The following BRINP1 variants were observed in gnomAD, a reference collection of about 807,000 sequenced individuals.
The protein encoded by BRINP1 is BMP/retinoic acid inducible neural specific 1.
In BRINP1, 17 loss-of-function variants were observed where a neutral mutation model predicts 72.9. The observed-to-expected ratio is 0.23, with a 90% CI of 0.16 to 0.35. The LOEUF (loss-of-function observed/expected upper bound fraction) is 0.35, where lower values mean the gene tolerates loss of function less well. Among genes scored for constraint, BRINP1 ranks in the 10% least tolerant of loss-of-function variants. BRINP1 has a pLI of 1.00. For synonymous variants in BRINP1, 418 were observed against 378.5 expected, an observed-to-expected ratio of 1.10 and a Z score of -1.21; for missense variants, 850 against 1,001.6, an observed-to-expected ratio of 0.85 and a Z score of 2.04.
intron 2 of BRINP1, among the ~76,000 whole-genome samples, chr9:119,267,846 G>T (rs1256058284): frequency 6.6e-6 from 1 of 152,086 alleles, no homozygotes. Context: ...GAGACTCTGG[G>T]TGCACCAATA....
chr9:119,228,275 C>G (rs1237075520), intron 5 of BRINP1, among the ~76,000 whole-genome samples: 1 of 151,774 alleles, frequency 6.6e-6, no homozygotes, highest in Admixed American at 6.6e-5. Flanking sequence ...CTCAATTCAG[C>G]AATTCAGCAA....
At chr9:119,282,824 T>C (rs1446257092) in intron 2 of BRINP1, 1 of 985,196 alleles carries the variant, frequency 1.0e-6, no homozygotes, top group Non-Finnish European at 1.2e-6. Flanking sequence ...GGGAGAGTAA[T>C]AGCTGGTCAC....
At chr9:119,288,466 A>T (rs1414136862) in intron 2 of BRINP1, among the ~76,000 whole-genome samples, 1 of 152,208 alleles carries the variant, frequency 6.6e-6, no homozygotes. Flanking sequence ...TCAGTAGCCA[A>T]CAGACTCCTT....
intron 7 of BRINP1, among the ~76,000 whole-genome samples, chr9:119,203,386 A>G (rs976188129): frequency 3.9e-5 from 6 of 152,228 alleles, no homozygotes; most frequent in Non-Finnish European, 8.8e-5. Flanking sequence ...GATAAAAAAT[A>G]TATGTCACCA....
chr9:119,314,011 T>C (rs563028880), intron 1 of BRINP1, among the ~76,000 whole-genome samples: 3 of 152,342 alleles, frequency 2.0e-5, no homozygotes, highest in Non-Finnish European at 2.9e-5. Context: ...TGGATTATCA[T>C]GACTATCTAG....
chr9:119,271,687 A>G (rs1004198921), intron 2 of BRINP1, among the ~76,000 whole-genome samples: 6 of 151,964 alleles, frequency 3.9e-5, no homozygotes, highest in African/African-American at 1.2e-4. Context: ...CTAGGAAAAA[A>G]GAGAGAAGGA....
chr9:119,285,657 C>T (rs970654987), intron 2 of BRINP1, among the ~76,000 whole-genome samples: 51 of 152,178 alleles, frequency 3.4e-4, no homozygotes, highest in African/African-American at 1.2e-3. Context: ...CAAGTTCAGG[C>T]TGCAAGATAC....
At chr9:119,293,813 G>A (rs1252164816) in intron 2 of BRINP1, among the ~76,000 whole-genome samples, 1 of 152,130 alleles carries the variant, frequency 6.6e-6, no homozygotes, top group Non-Finnish European at 1.5e-5. Flanking sequence ...ATTGTAAATG[G>A]AAACTAAAAG....
chr9:119,239,896 C>G (rs1053619886), intron 4 of BRINP1, among the ~76,000 whole-genome samples: 3 of 151,430 alleles, frequency 2.0e-5, no homozygotes, highest in African/African-American at 7.3e-5. Flanking sequence ...TAAAACTTAC[C>G]AATTTACTTT....
At chr9:119,227,171 T>C (rs1210151517) in intron 5 of BRINP1, among the ~76,000 whole-genome samples, 1 of 152,086 alleles carries the variant, frequency 6.6e-6, no homozygotes, top group Non-Finnish European at 1.5e-5. Flanking sequence ...TCCAAATAAA[T>C]GAAGAACAAT....
At chr9:119,351,092 A>G (rs777492818) in intron 1 of BRINP1, among the ~76,000 whole-genome samples, 31 of 152,042 alleles carry the variant, frequency 2.0e-4, no homozygotes, top group Non-Finnish European at 3.5e-4. Flanking sequence ...CGACAGGCCC[A>G]GGTATGTGAT....
At chr9:119,338,435 G>A (rs1189896989) in intron 1 of BRINP1, among the ~76,000 whole-genome samples, 4 of 152,048 alleles carry the variant, frequency 2.6e-5, no homozygotes, top group Non-Finnish European at 4.4e-5. Flanking sequence ...GATGCAGGGA[G>A]AAGAACAACA....
intron 5 of BRINP1, among the ~76,000 whole-genome samples, chr9:119,226,664 T>C (rs1421541638): frequency 1.9e-5 from 1 of 53,264 alleles, no homozygotes; most frequent in Non-Finnish European, 4.3e-5. Context: ...TCATCTATTC[T>C]AGGGTTTTTT....
In BRINP1 at chr9:119,363,879, T is replaced by C. The variant is rs1014477310; in HGVS notation, c.-51+5177A>G. Among the ~76,000 whole-genome samples the C allele has an allele frequency of 3.3e-5, 5 of 152,318 alleles. No individual in the cohort carries two copies. The East Asian group carries it at 7.7e-4, about 23-fold the overall frequency. ...TCATACATGGTTAGTGGCTACCATATTGGACAGCACAAAAAACATGTCCAT... is the reference window on the plus strand; with the variant it reads ...TCATACATGGTTAGTGGCTACCATACTGGACAGCACAAAAAACATGTCCAT... On this transcript the variant is annotated intron_variant, in intron 1 of 7. Transcript: ENST00000265922.
intron 1 of BRINP1, 77 bp from the exon 2 acceptor site, chr9:119,313,482 A>T: frequency 7.5e-7 from 1 of 1,331,688 alleles, no homozygotes; most frequent in Non-Finnish European, 1.0e-6. Context: ...AGAGGAGTAA[A>T]AGAAAAAGAC....
chr9:119,316,833 C>T (rs1405734786), intron 1 of BRINP1, among the ~76,000 whole-genome samples: 1 of 152,052 alleles, frequency 6.6e-6, no homozygotes, highest in Admixed American at 6.6e-5. Flanking sequence ...TAGATCAAGG[C>T]ATGATTTTGA....
intron 2 of BRINP1, among the ~76,000 whole-genome samples, chr9:119,306,945 G>A (rs765327147): frequency 1.3e-5 from 2 of 152,050 alleles, no homozygotes; most frequent in Non-Finnish European, 2.9e-5. Flanking sequence ...TCAAACTCAT[G>A]AAGACCAAAA....
intron 2 of BRINP1, among the ~76,000 whole-genome samples, chr9:119,272,165 G>T (rs112007029): frequency 3.4e-5 from 5 of 148,924 alleles, no homozygotes; most frequent in Non-Finnish European, 7.4e-5. Flanking sequence ...TGCAACCTCC[G>T]CCTCCCGGGT....
At chr9:119,364,561 G>A (rs1038177803) in intron 1 of BRINP1, among the ~76,000 whole-genome samples, 5 of 152,180 alleles carry the variant, frequency 3.3e-5, no homozygotes, top group Non-Finnish European at 5.9e-5. Flanking sequence ...TGAACAACCC[G>A]ATGTTGCCAA....
Sources: allele counts gnomAD v4.1 joint callset (sites outside exome capture counted in the v4.1 genomes callset), GRCh38; gene constraint gnomAD v4.1.1; transcripts MANE v1.5; gene names NCBI Gene and HGNC (gene_info 2026-07-23, HGNC 2026-07-21).